The following TSHZ3 variants were observed in gnomAD, a reference collection of about 807,000 sequenced individuals.
TSHZ3 encodes the protein teashirt homolog 3.
TSHZ3 carries 10 observed loss-of-function variants against 64.5 expected under a neutral mutation model. The observed-to-expected ratio is 0.16, with a 90% CI of 0.10 to 0.26. The LOEUF is 0.26. Ranked by LOEUF, TSHZ3 falls within the 10% of genes least tolerant of loss-of-function variation. The probability of loss-of-function intolerance (pLI) is 1.00; values close to 1 mark genes in which losing one functional copy is unlikely to be tolerated. For missense variants in TSHZ3, 1,242 were observed against 1,421.7 expected (o/e 0.87, Z 2.03); for synonymous variants, 608 against 593.1 (o/e 1.03, Z -0.36).
chr19:31,228,189 A>G (rs946666598), intron 3 of TSHZ3, among the ~76,000 whole-genome samples: 7 of 152,162 alleles, frequency 4.6e-5, no homozygotes, highest in Non-Finnish European at 8.8e-5. Flanking sequence ...AAGAGCTTCA[A>G]GACATTATTG....
chr19:31,323,548 ACACAGC>A, intron 1 of TSHZ3, among the ~76,000 whole-genome samples: 3 of 152,112 alleles, frequency 2.0e-5, no homozygotes, highest in African/African-American at 7.2e-5. Context: ...GTTCACCTCT[ACACAGC>A]TTCATTGTCA....
At chr19:31,333,195 C>T (rs1185320821) in intron 1 of TSHZ3, among the ~76,000 whole-genome samples, 1 of 151,548 alleles carries the variant, frequency 6.6e-6, no homozygotes, top group Non-Finnish European at 1.5e-5. Context: ...GGAGTTGGGG[C>T]CTCAGAGAGA....
chr19:31,196,195 C>T (rs1974991029), intron 5 of TSHZ3, among the ~76,000 whole-genome samples: 1 of 151,724 alleles, frequency 6.6e-6, no homozygotes, highest in Admixed American at 6.6e-5. Context: ...TCACATTATC[C>T]ATGAAGCAGT....
chr19:31,208,995 C>T (rs954593685), intron 4 of TSHZ3, among the ~76,000 whole-genome samples: 7 of 152,004 alleles, frequency 4.6e-5, no homozygotes, highest in South Asian at 2.1e-4. Flanking sequence ...GTCAGGATCC[C>T]GATGTCTGAG....
chr19:31,222,956 A>G (rs563212517), intron 4 of TSHZ3, among the ~76,000 whole-genome samples: 162 of 152,294 alleles, frequency 1.1e-3, no homozygotes, highest in African/African-American at 3.8e-3. Flanking sequence ...TGCCTGCCCA[A>G]CCTTTGCAAG....
intron 1 of TSHZ3, among the ~76,000 whole-genome samples, chr19:31,327,607 T>C (rs910405679): frequency 1.6e-4 from 24 of 152,208 alleles, no homozygotes; most frequent in African/African-American, 5.3e-4. Context: ...ATATGTACCA[T>C]ACATATACAT....
intron 1 of TSHZ3, among the ~76,000 whole-genome samples, chr19:31,325,085 C>T (rs914650044): frequency 3.9e-5 from 6 of 152,222 alleles, no homozygotes; most frequent in Non-Finnish European, 7.3e-5. Flanking sequence ...CAGCCACCTC[C>T]GCTGTGCTCC....
chr19:31,210,460 T>C (rs947272247), intron 4 of TSHZ3, among the ~76,000 whole-genome samples: 1 of 152,232 alleles, frequency 6.6e-6, no homozygotes, highest in Non-Finnish European at 1.5e-5. Flanking sequence ...GCAGGAGGTA[T>C]ATCTAGAAAA....
chr19:31,281,230 CA>C (rs891982509), intron 1 of TSHZ3, among the ~76,000 whole-genome samples: 10 of 152,058 alleles, frequency 6.6e-5, no homozygotes, highest in Non-Finnish European at 1.3e-4. Flanking sequence ...AAACCAACAA[CA>C]ACAATAAACA....
At chr19:31,207,339 C>G (rs1443176568) in intron 4 of TSHZ3, among the ~76,000 whole-genome samples, 1 of 152,124 alleles carries the variant, frequency 6.6e-6, no homozygotes, top group African/African-American at 2.4e-5. Flanking sequence ...AATTTTTGAG[C>G]AATTTTATTG....
At chr19:31,349,901 GCGCCCC>G (rs1044264092), upstream of TSHZ3, among the ~76,000 whole-genome samples, 8 of 143,636 alleles carry the variant, frequency 5.6e-5, no homozygotes, top group Non-Finnish European at 9.3e-5. Flanking sequence ...CGGGGGCGCC[GCGCCCC>G]CGCCCCCGGC....
intron 1 of TSHZ3, among the ~76,000 whole-genome samples, chr19:31,302,211 T>A (rs374302031): frequency 1.6e-4 from 24 of 152,174 alleles, no homozygotes; most frequent in African/African-American, 5.3e-4. Context: ...CCTCAGTGCA[T>A]GAGCTGCTGC....
At chr19:31,243,562 A>G (rs1331980093) in intron 1 of TSHZ3, among the ~76,000 whole-genome samples, 5 of 152,140 alleles carry the variant, frequency 3.3e-5, no homozygotes, top group Non-Finnish European at 5.9e-5. Context: ...CTGGTATTAT[A>G]GTGGTGACCG....
intron 1 of TSHZ3, among the ~76,000 whole-genome samples, chr19:31,347,238 A>AAAATAAAT (rs377686321): frequency 5.3e-5 from 8 of 151,684 alleles, no homozygotes; most frequent in African/African-American, 1.7e-4. Context: ...GGTTGCTCTA[A>AAAATAAAT]AAATAAATAA....
At chr19:31,311,687 G>A (rs1238262977) in intron 1 of TSHZ3, among the ~76,000 whole-genome samples, 1 of 152,160 alleles carries the variant, frequency 6.6e-6, no homozygotes, top group Non-Finnish European at 1.5e-5. Flanking sequence ...TCCATTCACT[G>A]TTAGGGTGAG....
At chr19:31,164,279 C>T (rs757235978) in intron 5 of TSHZ3, among the ~76,000 whole-genome samples, 7 of 152,242 alleles carry the variant, frequency 4.6e-5, no homozygotes, top group South Asian at 4.1e-4. Flanking sequence ...TCCTGCACTG[C>T]GAATTCTGGG....
chr19:31,262,769 CCTT>C (rs1356796780), intron 1 of TSHZ3, among the ~76,000 whole-genome samples: 1 of 152,170 alleles, frequency 6.6e-6, no homozygotes, highest in Non-Finnish European at 1.5e-5. Flanking sequence ...AAACTAAACT[CCTT>C]CTGACGAAAT....
intron 4 of TSHZ3, among the ~76,000 whole-genome samples, chr19:31,212,569 G>C (rs1975272439): frequency 6.6e-6 from 1 of 152,106 alleles, no homozygotes; most frequent in African/African-American, 2.4e-5. Context: ...TGTTAAAATA[G>C]ACAAAATCGA....
At chr19:31,333,150 A>AAATAAATCAATC (rs1323460536) in intron 1 of TSHZ3, among the ~76,000 whole-genome samples, 6 of 138,048 alleles carry the variant, frequency 4.3e-5, no homozygotes, top group African/African-American at 1.1e-4. Context: ...ATAAATAAAT[A>AAATAAATCAATC]AATCCAGGGG....
Sources: gnomAD v4.1 joint callset for allele counts (sites outside exome capture counted in the v4.1 genomes callset) on GRCh38, gnomAD v4.1.1 for gene constraint, MANE v1.5 for transcripts, NCBI Gene and HGNC (gene_info 2026-07-23, HGNC 2026-07-21) for gene names.